The following PIK3CA variants were observed in gnomAD, a reference collection of about 807,000 sequenced individuals.
The protein encoded by PIK3CA is phosphatidylinositol 4,5-bisphosphate 3-kinase catalytic subunit alpha isoform.
A neutral mutation model predicts 138.2 loss-of-function variants in PIK3CA; 27 were observed. That is an observed-to-expected ratio of 0.20 (90% CI 0.14 to 0.27). The LOEUF is 0.27. Among genes scored for constraint, PIK3CA ranks in the 10% least tolerant of loss-of-function variants. PIK3CA has a pLI of 1.00. For synonymous variants in PIK3CA, 358 were observed against 413.2 expected, an observed-to-expected ratio of 0.87 and a Z score of 1.62; for missense variants, 544 against 1,277.4, an observed-to-expected ratio of 0.43 and a Z score of 8.75.
Position 179,230,727 on chromosome 3 carries a change from C to T in PIK3CA, c.2936+351C>T, listed in dbSNP as rs1325419203. Among the ~76,000 whole-genome samples the T allele has an allele frequency of 6.6e-6, 1 of 152,140 alleles. No individual in the cohort carries two copies. Among genetic ancestry groups the T allele is most frequent in the African/African-American group, 2.4e-5 (1 of 41,442 alleles). ...CATTATCACGCCACTGTACTCCAAC[C>T]TGGGCAACAGAGTGAGACCCTGTAT... On this transcript the variant is annotated intron_variant, in intron 20 of 20. Transcript: ENST00000263967. This position sits in a 1 kb window ranked among gnomAD's most constrained non-coding sequence, Gnocchi z 5.4.
intron 1 of PIK3CA, among the ~76,000 whole-genome samples, chr3:179,167,694 A>G (rs984371252): frequency 6.6e-6 from 1 of 152,148 alleles, no homozygotes; most frequent in Non-Finnish European, 1.5e-5. Context: ...AGAGTGCTAC[A>G]GTTGGATTTC....
chr3:179,231,280 G>T (rs1725204924), intron 20 of PIK3CA, among the ~76,000 whole-genome samples: 1 of 152,094 alleles, frequency 6.6e-6, no homozygotes, highest in Non-Finnish European at 1.5e-5. Context: ...TATGCATGCA[G>T]ATGCCTTTTT....
At position 179,238,547 on chromosome 3, in the gene PIK3CA, C is replaced by G. The variant is rs7638649; in HGVS notation, c.*4183C>G. 0.076 allele frequency: 16,616 copies of G among 218,620 alleles called. 676 individuals are homozygous for G. The highest frequency in any genetic ancestry group is 0.1 in the African/African-American group (4,615 of 44,500). 13.5% of individuals were successfully genotyped at this position (218,620 alleles called of 1,614,324 possible). The stretch of plus-strand genomic sequence containing the variant: ...CAATACTTCAAGCTCAGAAACTGTG[C>G]AGATCACTGAATTTTAGATTTATAA... On this transcript the variant is annotated 3_prime_UTR_variant, in exon 21 of 21. Transcript: ENST00000263967.
intron 9 of PIK3CA, among the ~76,000 whole-genome samples, chr3:179,212,749 A>G (rs2865082): frequency 0.08 from 12,124 of 152,142 alleles, 511 homozygotes; most frequent in African/African-American, 0.1. Context: ...CCAAAAGACA[A>G]AATAAATGTA....
intron 1 of PIK3CA, among the ~76,000 whole-genome samples, chr3:179,172,110 T>A (rs1395243891): frequency 6.6e-6 from 1 of 152,146 alleles, no homozygotes; most frequent in Non-Finnish European, 1.5e-5. Context: ...TTCTGTGTAA[T>A]ATACCATACT....
At chr3:179,199,593 G>T in intron 2 of PIK3CA, 97 bp from the exon 3 acceptor site, 1 of 845,620 alleles carries the variant, frequency 1.2e-6, no homozygotes, top group Non-Finnish European at 1.8e-6. Flanking sequence ...ACTTTATTGT[G>T]ATCTTCCAAA....
chr3:179,165,319 G>C (rs1464598964), intron 1 of PIK3CA, among the ~76,000 whole-genome samples: 1 of 152,148 alleles, frequency 6.6e-6, no homozygotes, highest in Non-Finnish European at 1.5e-5. Context: ...CAGGAGACTT[G>C]ATAATGTGCA....
At chr3:179,223,800 C>T (rs1380892218) in intron 14 of PIK3CA, among the ~76,000 whole-genome samples, 2 of 152,120 alleles carry the variant, frequency 1.3e-5, no homozygotes, top group Non-Finnish European at 2.9e-5. Flanking sequence ...GCTGACCTGC[C>T]GGTTGACTAG....
intron 1 of PIK3CA, among the ~76,000 whole-genome samples, chr3:179,181,382 C>T (rs1320647652): frequency 1.3e-5 from 2 of 151,942 alleles, no homozygotes; most frequent in East Asian, 1.9e-4. Flanking sequence ...GTCATAAATA[C>T]GGCACTGTTA....
At chr3:179,191,697 C>T (rs931009604) in intron 1 of PIK3CA, among the ~76,000 whole-genome samples, 7 of 152,122 alleles carry the variant, frequency 4.6e-5, no homozygotes, top group African/African-American at 2.4e-5. Flanking sequence ...AGTGCAATGG[C>T]GCAGTCTCGG....
chr3:179,224,881 G>A (rs1399713878), intron 16 of PIK3CA, 60 bp downstream of exon 16: 2 of 1,228,436 alleles, frequency 1.6e-6, no homozygotes, highest in Admixed American at 3.8e-5. Flanking sequence ...TTATACACAG[G>A]ATATTTATGA....
intron 6 of PIK3CA, among the ~76,000 whole-genome samples, chr3:179,206,905 T>A (rs1724576718): frequency 6.9e-6 from 1 of 144,596 alleles, no homozygotes; most frequent in Non-Finnish European, 1.5e-5. Context: ...GGGGGCAGAG[T>A]GAGACCCCGA....
Position 179,148,432 on chromosome 3 carries a change from C to T in PIK3CA, c.-248C>T, listed in dbSNP as rs1263264655. ...CGGCCGCTGGGACTGGGGCTGGGGC[C>T]GCCGGCGAGGCAGGGCTCGGGCCCG... On this transcript the variant is annotated 5_prime_UTR_variant, in exon 1 of 21. Coordinates refer to ENST00000263967, the MANE Select transcript of PIK3CA (RefSeq NM_006218.4). The T allele has an allele frequency of 6.6e-6, 1 of 150,496 alleles. No individual in the cohort carries two copies. The highest frequency in any genetic ancestry group is 1.5e-5 in the Non-Finnish European group (1 of 67,534). The allele number at this position is 150,496 out of a possible 1,614,324, so 9.3% of individuals were successfully genotyped here. A position where few individuals can be genotyped will look rare whatever the true frequency, so the allele number is the denominator to read the frequency against.
At chr3:179,223,184 G>C (rs547424864) in intron 14 of PIK3CA, among the ~76,000 whole-genome samples, 1 of 152,302 alleles carries the variant, frequency 6.6e-6, no homozygotes, top group South Asian at 2.1e-4. Context: ...TATCTAGTCA[G>C]TGATGATTAG....
chr3:179,167,860 C>G (rs1723458234), intron 1 of PIK3CA, among the ~76,000 whole-genome samples: 1 of 152,090 alleles, frequency 6.6e-6, no homozygotes, highest in African/African-American at 2.4e-5. Context: ...TTGTTTTCCC[C>G]TAAAGTTTCC....
intron 6 of PIK3CA, among the ~76,000 whole-genome samples, chr3:179,207,107 A>C (rs1394178203): frequency 1.3e-5 from 2 of 152,170 alleles, no homozygotes; most frequent in African/African-American, 4.8e-5. Flanking sequence ...GCTTACAAAA[A>C]CAAAAATCAG....
At chr3:179,214,690 C>T (rs1367687245) in intron 9 of PIK3CA, among the ~76,000 whole-genome samples, 1 of 151,958 alleles carries the variant, frequency 6.6e-6, no homozygotes, top group Non-Finnish European at 1.5e-5. Context: ...CACCACAAAC[C>T]TTCAGTTTGT....
intron 1 of PIK3CA, among the ~76,000 whole-genome samples, chr3:179,183,724 G>T (rs1388757690): frequency 6.6e-6 from 1 of 152,200 alleles, no homozygotes; most frequent in African/African-American, 2.4e-5. Context: ...ATAGGCTGAG[G>T]TTGTGATGTG....
At chr3:179,229,556 GA>G in intron 18 of PIK3CA, 114 bp downstream of exon 18, 8 of 648,490 alleles carry the variant, frequency 1.2e-5, no homozygotes, top group South Asian at 3.1e-5. Flanking sequence ...ACTTTCTATG[GA>G]AAAAAATATG....
Sources: allele counts gnomAD v4.1 joint callset (sites outside exome capture counted in the v4.1 genomes callset), GRCh38; gene constraint gnomAD v4.1.1; non-coding constraint Gnocchi (gnomAD v3.1); transcripts MANE v1.5; gene names NCBI Gene and HGNC (gene_info 2026-07-23, HGNC 2026-07-21).